CASTOR2: variants seen among roughly 807,000 people sequenced by gnomAD.
The protein encoded by CASTOR2 is GATS protein like 2.
CASTOR2 carries 8 observed loss-of-function variants against 31.2 expected under a neutral mutation model. The observed-to-expected ratio is 0.26, with a 90% CI of 0.15 to 0.46. The LOEUF is 0.46. CASTOR2 is among the 20% of genes least tolerant of loss of function. The pLI, the probability that CASTOR2 is intolerant of heterozygous loss-of-function variation, is 0.99. For synonymous variants in CASTOR2, 162 were observed against 158.7 expected, an observed-to-expected ratio of 1.02 and a Z score of -0.16; for missense variants, 216 against 382.1, an observed-to-expected ratio of 0.57 and a Z score of 3.62.
At chr7:75,020,009 C>T in intron 5 of CASTOR2, 30 bp from the exon 6 acceptor site, 1 of 1,549,548 alleles carries the variant, frequency 6.5e-7, no homozygotes, top group Non-Finnish European at 8.7e-7. Context: ...CACAGGGGCC[C>T]CATCTTTACC....
intron 1 of CASTOR2, among the ~76,000 whole-genome samples, chr7:75,002,643 C>T (rs1804522284): frequency 6.6e-6 from 1 of 152,048 alleles, no homozygotes; most frequent in East Asian, 1.9e-4. Flanking sequence ...AAAGAACATT[C>T]GTCACTGTTG....
intron 4 of CASTOR2, among the ~76,000 whole-genome samples, chr7:75,018,763 C>T (rs1339152514): frequency 6.6e-6 from 1 of 152,224 alleles, no homozygotes; most frequent in Admixed American, 6.5e-5. Flanking sequence ...AGGCAGCCAG[C>T]ACAGCATGTG....
Position 75,025,779 on chromosome 7 carries a change from A to C in CASTOR2, c.*1080A>C, listed in dbSNP as rs1805111794. On this transcript the variant is annotated 3_prime_UTR_variant, in exon 9 of 9. Transcript: ENST00000616305. ...TTGCACCCAGGGTGCTCTTGGCGGT[A>C]GTTTCTGTTTGGCAGGGATAGGACC... Among the ~76,000 whole-genome samples the C allele has an allele frequency of 6.6e-6, 1 of 152,156 alleles. No individual in the cohort carries two copies. The highest frequency in any genetic ancestry group is 1.5e-5 in the Non-Finnish European group (1 of 68,028).
intron 1 of CASTOR2, among the ~76,000 whole-genome samples, chr7:74,999,594 C>G (rs1306820283): frequency 7.5e-6 from 1 of 133,286 alleles, no homozygotes; most frequent in Non-Finnish European, 1.5e-5. Flanking sequence ...ACTTCTATCA[C>G]TCACTGCTTT....
chr7:75,015,835 G>A (rs1448970710), intron 2 of CASTOR2, among the ~76,000 whole-genome samples: 1 of 152,118 alleles, frequency 6.6e-6, no homozygotes, highest in Non-Finnish European at 1.5e-5. Flanking sequence ...GAGAGGCCAA[G>A]GCGGGTGGAT....
At chr7:75,019,138 G>C in intron 5 of CASTOR2, 43 bp downstream of exon 5, 1 of 1,551,706 alleles carries the variant, frequency 6.4e-7, no homozygotes, top group East Asian at 2.4e-5. Flanking sequence ...GTGGGCCAGG[G>C]AGAGGCATGG....
rs1805128392 is a variant in CASTOR2, at chr7:75,026,213, G to A, written c.*1514G>A. Reference sequence around the variant, plus strand: ...GGTTTTTTTTTTTTTTTTTGAGATGGGAGTCTGGCTCTGTTGCCTAGGCTG... The same window carrying A: ...GGTTTTTTTTTTTTTTTTTGAGATGAGAGTCTGGCTCTGTTGCCTAGGCTG... On this transcript the variant is annotated 3_prime_UTR_variant, in exon 9 of 9. Coordinates refer to ENST00000616305, the MANE Select transcript of CASTOR2 (RefSeq NM_001145064.3). Among the ~76,000 whole-genome samples the A allele has an allele frequency of 1.1e-5, 1 of 88,774 alleles. No homozygotes were observed. Among genetic ancestry groups the A allele is most frequent in the African/African-American group, 4.5e-5 (1 of 22,384 alleles). The allele number at this position is 88,774 out of a possible 152,430, so 58.2% of individuals were successfully genotyped here. A position where few individuals can be genotyped will look rare whatever the true frequency, so the allele number is the denominator to read the frequency against.
rs1447625250 is a variant in CASTOR2 at position 75,028,981 on chromosome 7, G to A, written c.*4282G>A. 1.3e-5 allele frequency among the ~76,000 whole-genome samples: 2 copies of A among 150,140 alleles called. No individual in the cohort carries two copies. The highest frequency in any genetic ancestry group is 3.0e-5 in the Non-Finnish European group (2 of 67,074). On this transcript the variant is annotated 3_prime_UTR_variant, in exon 9 of 9. Transcript: ENST00000616305. The stretch of plus-strand genomic sequence containing the variant: ...GGAGCTGGGGGATCAGAGGCTTCCA[G>A]TGTGGCCTCCGGAAGCAGCAGCGTA...
Position 75,017,773 on chromosome 7 carries a change from T to A in CASTOR2, c.360T>A (p.Tyr120Ter). 6.2e-7 allele frequency: 1 copy of A among 1,613,968 alleles called. No homozygotes were observed. The highest frequency in any genetic ancestry group is 8.5e-7 in the Non-Finnish European group (1 of 1,179,872). Residue 120 changes from tyrosine (Y) to a stop codon, truncating the protein, a stop_gained, in exon 3 of 9, where the codon TAT (tyrosine) becomes TAA (stop). Coordinates refer to ENST00000616305, the MANE Select transcript of CASTOR2 (RefSeq NM_001145064.3). LOFTEE classifies it high-confidence loss of function. Reference sequence around the variant, plus strand: ...TATCCGTGTTCATGCTGTCCACGTATCAGACAGACTTCATCCTGGTGAGCT... The same window carrying A: ...TATCCGTGTTCATGCTGTCCACGTAACAGACAGACTTCATCCTGGTGAGCT... The part of the protein sequence containing the change: ...QNISVFMLST[Y>*]QTDFILVRER...
At chr7:74,976,546 CCTCCTCCT>C in intron 1 of CASTOR2, among the ~76,000 whole-genome samples, 1 of 143,294 alleles carries the variant, frequency 7.0e-6, no homozygotes, top group East Asian at 2.1e-4. Context: ...TCCTCCTCCT[CCTCCTCCT>C]CCTCCTCCTC....
At chr7:74,978,032 A>G (rs1319685976) in intron 1 of CASTOR2, among the ~76,000 whole-genome samples, 1 of 149,780 alleles carries the variant, frequency 6.7e-6, no homozygotes, top group Non-Finnish European at 1.5e-5. Context: ...CCTCACCATA[A>G]CACATTGAAC....
intron 2 of CASTOR2, among the ~76,000 whole-genome samples, chr7:75,012,908 A>T (rs1554439617): frequency 6.6e-6 from 1 of 152,034 alleles, no homozygotes; most frequent in African/African-American, 2.4e-5. Flanking sequence ...CAAATTTCCA[A>T]AGTGCTGGGA....
In CASTOR2 at chr7:74,990,701, A is replaced by C. The variant is rs1207473337; in HGVS notation, c.114-17293A>C. On this transcript the variant is annotated intron_variant, in intron 1 of 8. Transcript: ENST00000616305. The stretch of plus-strand genomic sequence containing the variant: ...AAAATCCCATCTCTACTGAAAGTAC[A>C]AAAATTAGCCAGGTGTGGTGGTGGG... 5.9e-5 allele frequency among the ~76,000 whole-genome samples: 9 copies of C among 152,234 alleles called. No individual in the cohort carries two copies. The South Asian group carries it at 6.2e-4, about 11-fold the overall frequency.
At chr7:74,988,402 A>C (rs1408350725) in intron 1 of CASTOR2, among the ~76,000 whole-genome samples, 1 of 151,958 alleles carries the variant, frequency 6.6e-6, no homozygotes, top group Non-Finnish European at 1.5e-5. Flanking sequence ...GGTTCACGCC[A>C]TTCTCCTGCC....
intron 2 of CASTOR2, among the ~76,000 whole-genome samples, chr7:75,014,612 A>G (rs1251114269): frequency 6.6e-6 from 1 of 151,998 alleles, no homozygotes; most frequent in East Asian, 1.9e-4. Flanking sequence ...AGGAAGCAAC[A>G]GCTCTGGGTT....
chr7:75,013,559 C>T (rs1217909376), intron 2 of CASTOR2, among the ~76,000 whole-genome samples: 2 of 152,066 alleles, frequency 1.3e-5, no homozygotes, highest in African/African-American at 4.8e-5. Flanking sequence ...GGGAGGATCA[C>T]TTGAGCCTGG....
chr7:75,012,859 G>A (rs1300172065), intron 2 of CASTOR2, among the ~76,000 whole-genome samples: 1 of 151,832 alleles, frequency 6.6e-6, no homozygotes, highest in Non-Finnish European at 1.5e-5. Flanking sequence ...GGCTGGTCTC[G>A]AACTCCTGAC....
Position 75,028,590 on chromosome 7 carries a change from G to A in CASTOR2, c.*3891G>A, listed in dbSNP as rs1298425166. ...ACCAGTGGGAGCTGAAGGATGGGGAGGAACAGAGCAGTGACCACCCCTCCC... is the reference window on the plus strand; with the variant it reads ...ACCAGTGGGAGCTGAAGGATGGGGAAGAACAGAGCAGTGACCACCCCTCCC... On this transcript the variant is annotated 3_prime_UTR_variant, in exon 9 of 9. Coordinates refer to ENST00000616305, the MANE Select transcript of CASTOR2 (RefSeq NM_001145064.3). Among the ~76,000 whole-genome samples, 1 of 152,112 alleles carries A rather than the reference G, an allele frequency of 6.6e-6. No individual in the cohort carries two copies. Among genetic ancestry groups the A allele is most frequent in the Non-Finnish European group, 1.5e-5 (1 of 68,016 alleles).
chr7:75,028,211 C>G lies in CASTOR2; in HGVS notation c.*3512C>G. The G allele has an allele frequency of 1.2e-6, 1 of 852,146 alleles. No homozygotes were observed. Among genetic ancestry groups the G allele is most frequent in the Non-Finnish European group, 1.7e-6 (1 of 573,156 alleles). 52.8% of individuals were successfully genotyped at this position (852,146 alleles called of 1,614,324 possible). ...CAGCTCACTGCAGCAACCTCCACTT[C>G]CTGGGTTCAAGCGAGTCTCCTACAT... On this transcript the variant is annotated 3_prime_UTR_variant, in exon 9 of 9. Transcript: ENST00000616305.
Sources: gnomAD v4.1 joint callset for allele counts (sites outside exome capture counted in the v4.1 genomes callset) on GRCh38, gnomAD v4.1.1 for gene constraint, MANE v1.5 for transcripts, NCBI Gene and HGNC (gene_info 2026-07-23, HGNC 2026-07-21) for gene names.